PDE9A: variants seen among roughly 807,000 people sequenced by gnomAD.
PDE9A encodes phosphodiesterase 9A, also known as high affinity cGMP-specific 3',5'-cyclic phosphodiesterase 9A.
Under a neutral mutation model 87.4 loss-of-function variants are expected in PDE9A, and 60 were observed. The ratio of observed to expected loss-of-function variants is 0.69; its 90% CI spans 0.56 to 0.85. The LOEUF (loss-of-function observed/expected upper bound fraction) is 0.85. PDE9A is among the 40% of genes least tolerant of loss of function. The pLI is 0.00. For missense variants in PDE9A, 665 were observed against 779.0 expected, an observed-to-expected ratio of 0.85 and a Z score of 1.74; for synonymous variants, 272 against 279.4, an observed-to-expected ratio of 0.97 and a Z score of 0.27.
intron 4 of PDE9A, among the ~76,000 whole-genome samples, chr21:42,713,835 A>G (rs2049568797): frequency 6.6e-6 from 1 of 152,058 alleles, no homozygotes; most frequent in South Asian, 2.1e-4. Flanking sequence ...ATATATTTCA[A>G]AACATCATCT....
chr21:42,763,053 A>G (rs2055985219), intron 14 of PDE9A, among the ~76,000 whole-genome samples: 1 of 152,160 alleles, frequency 6.6e-6, no homozygotes, highest in African/African-American at 2.4e-5. Context: ...GAGGAGAGTG[A>G]GAGGATATCT....
chr21:42,689,653 C>A, intron 3 of PDE9A: 1 of 985,446 alleles, frequency 1.0e-6, no homozygotes, highest in Non-Finnish European at 1.2e-6. Context: ...GAGAAGCCCA[C>A]CTTGACCCTT....
intron 4 of PDE9A, among the ~76,000 whole-genome samples, chr21:42,709,358 T>C (rs2049105363): frequency 6.6e-6 from 1 of 152,220 alleles, no homozygotes; most frequent in African/African-American, 2.4e-5. Flanking sequence ...CTGGGCTTAA[T>C]ACCTAGGTGA....
At chr21:42,680,114 C>T (rs938391966) in intron 1 of PDE9A, among the ~76,000 whole-genome samples, 6 of 152,244 alleles carry the variant, frequency 3.9e-5, no homozygotes, top group African/African-American at 1.4e-4. Flanking sequence ...CCTCCGCTGC[C>T]CCCGGGCTCA....
intron 1 of PDE9A, among the ~76,000 whole-genome samples, chr21:42,654,950 C>G (rs1052714427): frequency 6.6e-6 from 1 of 152,174 alleles, no homozygotes; most frequent in African/African-American, 2.4e-5. Flanking sequence ...TGCTGGGCAG[C>G]TGGGCAGCTG....
intron 4 of PDE9A, among the ~76,000 whole-genome samples, chr21:42,715,346 G>C (rs980404993): frequency 9.2e-5 from 14 of 152,092 alleles, no homozygotes; most frequent in African/African-American, 3.4e-4. Flanking sequence ...ATTGGTTACA[G>C]CCGGGCGCAC....
In PDE9A at chr21:42,653,736, G is replaced by GCCCCCCCCCCCCCCCCCCCC; in HGVS notation, c.-78_-77insCCCCCCCCCCCCCCCCCCCC. ...CCGCCCCCCGCCCGCCCCCTCCCCT[G>GCCCCCCCCCCCCCCCCCCCC]CTCCCCTCCCCCGCCTCCCGCGGCG... On this transcript the variant is annotated 5_prime_UTR_variant, in exon 1 of 20. Coordinates refer to ENST00000291539, the MANE Select transcript of PDE9A (RefSeq NM_002606.3). 2.7e-6 allele frequency: 1 copy of GCCCCCCCCCCCCCCCCCCCC among 369,124 alleles called. No individual in the cohort carries two copies. The highest frequency in any genetic ancestry group is 1.8e-4 in the East Asian group (1 of 5,580). The allele number at this position is 369,124 out of a possible 1,614,324, so 22.9% of individuals were successfully genotyped here. A position where few individuals can be genotyped will look rare whatever the true frequency, so the allele number is the denominator to read the frequency against.
Position 42,760,850 on chromosome 21 carries a change from T to A in PDE9A, c.1028T>A (p.Leu343Gln). 6.2e-7 allele frequency: 1 copy of A among 1,604,354 alleles called. No individual in the cohort carries two copies. Among genetic ancestry groups the A allele is most frequent in the Admixed American group, 1.7e-5 (1 of 59,762 alleles). Residue 343 changes from leucine (L) to glutamine (Q), a missense_variant, in exon 13 of 20, where the codon CTG (leucine) becomes CAG (glutamine). By Grantham distance (113) the Leu-to-Gln change is moderately radical (BLOSUM62 -2). Coordinates refer to ENST00000291539, the MANE Select transcript of PDE9A (RefSeq NM_002606.3). This position sits in a 1 kb window ranked among gnomAD's most constrained non-coding sequence, Gnocchi z 5.2. ...LQEKFSQTDILILMTAAICHD... is the reference protein window; with the variant it reads ...LQEKFSQTDIQILMTAAICHD... ...GAGAAGTTCTCACAAACGGATATCCTGATCCTAATGACAGCGGCCATCTGC... is the reference window on the plus strand; with the variant it reads ...GAGAAGTTCTCACAAACGGATATCCAGATCCTAATGACAGCGGCCATCTGC...
chr21:42,768,415 C>A, intron 16 of PDE9A, 123 bp downstream of exon 16: 1 of 1,034,928 alleles, frequency 9.7e-7, no homozygotes, highest in Non-Finnish European at 1.4e-6. Context: ...GACAGTTCAG[C>A]CTCCAGAAAG....
rs572990505 is a variant in PDE9A, at chr21:42,670,615, TCA to T, written c.70-15574_70-15573del. 1.3e-3 allele frequency among the ~76,000 whole-genome samples: 201 copies of T among 149,556 alleles called. 1 individual carries two copies. Among genetic ancestry groups the T allele is most frequent in the African/African-American group, 4.5e-3 (182 of 40,414 alleles). On this transcript the variant is annotated intron_variant, in intron 1 of 19. Coordinates refer to ENST00000291539, the MANE Select transcript of PDE9A (RefSeq NM_002606.3). ...CACTTACACATGCACTCACACACTA[TCA>T]CATTCACACACACATACACTTACAA...
chr21:42,683,042 G>A (rs142132121), intron 1 of PDE9A, among the ~76,000 whole-genome samples: 23 of 152,352 alleles, frequency 1.5e-4, no homozygotes, highest in Admixed American at 1.5e-3. Context: ...AAAGGTGACT[G>A]ATAGCTTAAG....
chr21:42,668,046 C>T (rs904393063), intron 1 of PDE9A, among the ~76,000 whole-genome samples: 3 of 152,150 alleles, frequency 2.0e-5, no homozygotes, highest in Admixed American at 6.5e-5. Context: ...TGTCTGCCTT[C>T]CCCTGCCTCC....
At chr21:42,769,644 G>A (rs960938975) in intron 17 of PDE9A, among the ~76,000 whole-genome samples, 700 of 38,312 alleles carry the variant, frequency 0.018, 10 homozygotes, top group African/African-American at 0.12. Flanking sequence ...GCACACACAG[G>A]GACACACAGG....
intron 8 of PDE9A, among the ~76,000 whole-genome samples, chr21:42,745,583 A>G (rs1042221535): frequency 3.9e-5 from 6 of 152,224 alleles, no homozygotes; most frequent in African/African-American, 7.2e-5. Flanking sequence ...CCGGCTTGGC[A>G]GCCTCAGACA....
At chr21:42,774,410 G>A (rs1801489707) in intron 19 of PDE9A, among the ~76,000 whole-genome samples, 1 of 152,184 alleles carries the variant, frequency 6.6e-6, no homozygotes, top group Admixed American at 6.5e-5. Flanking sequence ...TGTTACTGCT[G>A]TTTTAGTGAT....
At chr21:42,698,764 G>C (rs1392189291) in intron 3 of PDE9A, 1 of 442,622 alleles carries the variant, frequency 2.3e-6, no homozygotes, top group Non-Finnish European at 4.0e-6. Context: ...TATAGAGGAA[G>C]GTGATCATTT....
At chr21:42,706,593 G>A (rs2048854216) in intron 4 of PDE9A, among the ~76,000 whole-genome samples, 1 of 150,744 alleles carries the variant, frequency 6.6e-6, no homozygotes, top group Non-Finnish European at 1.5e-5. Flanking sequence ...GCAGCAAGCC[G>A]AGATCACACC....
chr21:42,670,240 CTCAT>C (rs1569116601), intron 1 of PDE9A, among the ~76,000 whole-genome samples: 21 of 97,794 alleles, frequency 2.1e-4, no homozygotes, highest in African/African-American at 5.9e-4. Flanking sequence ...TACATTCACA[CTCAT>C]ACACATACAT....
intron 1 of PDE9A, among the ~76,000 whole-genome samples, chr21:42,679,605 C>T (rs2059049664): frequency 6.6e-6 from 1 of 152,200 alleles, no homozygotes; most frequent in African/African-American, 2.4e-5. Flanking sequence ...GCAAGCAGCA[C>T]CATGTGGGGC....
Sources: gnomAD v4.1 joint callset for allele counts (sites outside exome capture counted in the v4.1 genomes callset) on GRCh38, gnomAD v4.1.1 for gene constraint, Gnocchi (gnomAD v3.1) non-coding constraint, MANE v1.5 for transcripts, NCBI Gene and HGNC (gene_info 2026-07-23, HGNC 2026-07-21) for gene names.